Variants in MEDAG observed in about 807,000 individuals in gnomAD.
MEDAG encodes mesenteric estrogen dependent adipogenesis, also known as mesenteric estrogen-dependent adipogenesis protein.
MEDAG carries 25 observed loss-of-function variants against 29.9 expected under a neutral mutation model. That is an observed-to-expected ratio of 0.84 (90% CI 0.61 to 1.17). MEDAG has a LOEUF of 1.17. Among genes scored for constraint, MEDAG ranks in the 50% most tolerant of loss-of-function variants. The pLI is 0.00. For missense variants in MEDAG, 398 were observed against 372.9 expected, an observed-to-expected ratio of 1.07 and a Z score of -0.56; for synonymous variants, 158 against 148.2, an observed-to-expected ratio of 1.07 and a Z score of -0.48.
At position 30,921,137 on chromosome 13, in the gene MEDAG, C is replaced by A; in HGVS notation, c.501+11C>A. Reference sequence around the variant, plus strand: ...AGTTACCGGCTTCAGGTAAGCCTAGCCTGTCTGAATCCAGGGCTGTCAACC... The same window carrying A: ...AGTTACCGGCTTCAGGTAAGCCTAGACTGTCTGAATCCAGGGCTGTCAACC... On this transcript the variant is annotated intron_variant, in intron 3 of 4. Transcript: ENST00000380482. 1 of 1,605,078 alleles carries A rather than the reference C, an allele frequency of 6.2e-7. No individual in the cohort carries two copies. Among genetic ancestry groups the A allele is most frequent in the Non-Finnish European group, 8.5e-7 (1 of 1,173,148 alleles).
At chr13:30,922,460 TGG>T (rs1173048272) in intron 4 of MEDAG, 1 of 152,152 alleles carries the variant, frequency 6.6e-6, no homozygotes, top group East Asian at 1.9e-4. Context: ...TTCACCAGGT[TGG>T]CCAGGCTGGT....
At chr13:30,914,548 A>G (rs944638625) in intron 1 of MEDAG, among the ~76,000 whole-genome samples, 1 of 152,234 alleles carries the variant, frequency 6.6e-6, no homozygotes, top group African/African-American at 2.4e-5. Context: ...AAGGTGTTTT[A>G]TGAAATTCAG....
At position 30,921,064 on chromosome 13, in the gene MEDAG, C is replaced by T; in HGVS notation, c.439C>T (p.Gln147Ter). Residue 147 changes from glutamine (Q) to a stop codon, truncating the protein, a stop_gained, in exon 3 of 5, where the codon CAG (glutamine) becomes TAG (stop). Coordinates refer to ENST00000380482, the MANE Select transcript of MEDAG (RefSeq NM_032849.4). LOFTEE classifies it high-confidence loss of function. ...CACGAGGCACCCCAAGATAAGAAGA[C>T]AGATAGAGCAAGGGATGGACATGGT... ...VNTRHPKIRR[Q>*]IEQGMDMVIS... 6.2e-7 allele frequency: 1 copy of T among 1,614,168 alleles called. No homozygotes were observed. The highest frequency in any genetic ancestry group is 8.5e-7 in the Non-Finnish European group (1 of 1,180,036).
Position 30,906,585 on chromosome 13 carries a change from A to T in MEDAG, c.70A>T (p.Ser24Cys). The change falls in exon 1 of 5, where the codon AGC becomes TGC. Residue 24 changes from serine (S) to cysteine (C), a missense_variant. Physicochemically the swap from Ser to Cys is moderately radical, Grantham distance 112. Transcript: ENST00000380482. ...CTCCATCTCGTCTGGGGAGCTTCGC[A>T]GCCTGTGGACCTGCGACTGCGAGCT... Reference protein sequence around the residue: ...LTSISSGELRSLWTCDCELAL... With the variant: ...LTSISSGELRCLWTCDCELAL... 1 of 1,585,004 alleles carries T rather than the reference A, an allele frequency of 6.3e-7. No homozygotes were observed. The highest frequency in any genetic ancestry group is 2.3e-5 in the East Asian group (1 of 43,166).
Position 30,906,749 on chromosome 13 carries a change from GC to G in MEDAG, c.235del (p.Arg79AlafsTer19). On this transcript the variant is annotated frameshift_variant, in exon 1 of 5. Coordinates refer to ENST00000380482, the MANE Select transcript of MEDAG (RefSeq NM_032849.4). LOFTEE classifies it high-confidence loss of function. Reference protein sequence around the residue: ...GFNVFGDGLVRLDGQLYRLSS... With the variant: ...GFNVFGDGLVXLDGQLYRLSS... Reference sequence around the variant, plus strand: ...TCAACGTCTTCGGTGACGGCCTCGTGCGCCTCGACGGGCAGCTCTACCGCCT... The same window carrying G: ...TCAACGTCTTCGGTGACGGCCTCGTGGCCTCGACGGGCAGCTCTACCGCCT... 2.0e-6 allele frequency: 3 copies of G among 1,511,594 alleles called. No individual in the cohort carries two copies. The highest frequency in any genetic ancestry group is 2.6e-6 in the Non-Finnish European group (3 of 1,139,536). The allele number at this position is 1,511,594 out of a possible 1,614,324, so 93.6% of individuals were successfully genotyped here.
chr13:30,925,398 T>G lies in MEDAG; in HGVS notation c.*963T>G, dbSNP rs985492610. On this transcript the variant is annotated 3_prime_UTR_variant, in exon 5 of 5. Coordinates refer to ENST00000380482, the MANE Select transcript of MEDAG (RefSeq NM_032849.4). The stretch of plus-strand genomic sequence containing the variant: ...ATATGCTTATAATGAGGAAGAGTTA[T>G]GGGTCCTGAGTGTAATTTTTTATCC... 3.9e-5 allele frequency: 6 copies of G among 152,226 alleles called. No homozygotes were observed. The highest frequency in any genetic ancestry group is 2.6e-4 in the Admixed American group (4 of 15,286). The allele number at this position is 152,226 out of a possible 1,614,324, so 9.4% of individuals were successfully genotyped here. A position where few individuals can be genotyped will look rare whatever the true frequency, so the allele number is the denominator to read the frequency against.
chr13:30,911,039 G>A (rs1216773844), intron 1 of MEDAG, among the ~76,000 whole-genome samples: 1 of 152,224 alleles, frequency 6.6e-6, no homozygotes, highest in East Asian at 1.9e-4. Context: ...GAGATTTTTA[G>A]GAGAGTCAGT....
At chr13:30,922,834 T>C (rs959786263) in intron 4 of MEDAG, 3 of 152,202 alleles carry the variant, frequency 2.0e-5, no homozygotes, top group Non-Finnish European at 4.4e-5. Context: ...GCAGTCTCTG[T>C]GAAGTTGTGG....
Position 30,924,343 on chromosome 13 carries a change from T to A in MEDAG, c.820T>A (p.Ser274Thr). The A allele has an allele frequency of 3.1e-6, 5 of 1,614,136 alleles. No homozygotes were observed. Among genetic ancestry groups the A allele is most frequent in the Non-Finnish European group, 4.2e-6 (5 of 1,179,972 alleles). ...AGATGATGTTTTTAACTGCAATCTG[T>A]CACCCAGATCATCTCTGACAGAGCC... The part of the protein sequence containing the change: ...SIDDVFNCNL[S>T]PRSSLTEPLL... The change falls in exon 5 of 5, where the codon TCA becomes ACA. Residue 274 changes from serine to threonine, a missense_variant. Ser to Thr is a moderately conservative substitution (Grantham distance 58, BLOSUM62 1). Transcript: ENST00000380482.
chr13:30,921,004 T>A lies in MEDAG; in HGVS notation c.389-10T>A. 1 of 1,609,892 alleles carries A rather than the reference T, an allele frequency of 6.2e-7. No homozygotes were observed. Among genetic ancestry groups the A allele is most frequent in the Non-Finnish European group, 8.5e-7 (1 of 1,177,012 alleles). ...ACACTTGTTTCTGAATTCTGCTTGCTAATTTCTAGAAAGGACGTACGCGTT... is the reference window on the plus strand; with the variant it reads ...ACACTTGTTTCTGAATTCTGCTTGCAAATTTCTAGAAAGGACGTACGCGTT... On this transcript the variant is annotated splice_polypyrimidine_tract_variant and intron_variant, in intron 2 of 4. Coordinates refer to ENST00000380482, the MANE Select transcript of MEDAG (RefSeq NM_032849.4).
chr13:30,919,594 A>C (rs933322436), intron 2 of MEDAG, among the ~76,000 whole-genome samples: 7 of 152,228 alleles, frequency 4.6e-5, no homozygotes, highest in Admixed American at 1.3e-4. Flanking sequence ...AAAGTGCCCA[A>C]AAAATAATTT....
chr13:30,924,464 C>G lies in MEDAG; in HGVS notation c.*29C>G, dbSNP rs750638670. Reference sequence around the variant, plus strand: ...AACTGAACATTGTAGCAGTTGCTCCCGCACTCCAGGCCTGTGCTAGACTAT... The same window carrying G: ...AACTGAACATTGTAGCAGTTGCTCCGGCACTCCAGGCCTGTGCTAGACTAT... On this transcript the variant is annotated 3_prime_UTR_variant, in exon 5 of 5. Coordinates refer to ENST00000380482, the MANE Select transcript of MEDAG (RefSeq NM_032849.4). 6.2e-7 allele frequency: 1 copy of G among 1,610,586 alleles called. No individual in the cohort carries two copies. Among genetic ancestry groups the G allele is most frequent in the African/African-American group, 1.3e-5 (1 of 74,856 alleles).
chr13:30,921,577 C>A lies in MEDAG; in HGVS notation c.518C>A (p.Ala173Glu). The change falls in exon 4 of 5, where the codon GCA becomes GAA. Residue 173 changes from alanine to glutamate, a missense_variant. Ala to Glu is a moderately radical substitution (Grantham distance 107). Coordinates refer to ENST00000380482, the MANE Select transcript of MEDAG (RefSeq NM_032849.4). ...SYRLQFDFQE[A>E]VKNFFPPGNE... ...CTCTTTCAGTTTGATTTTCAAGAGG[C>A]AGTGAAGAATTTCTTCCCCCCAGGA... The A allele has an allele frequency of 6.2e-7, 1 of 1,606,008 alleles. No individual in the cohort carries two copies. Among genetic ancestry groups the A allele is most frequent in the Admixed American group, 1.7e-5 (1 of 58,314 alleles).
intron 1 of MEDAG, among the ~76,000 whole-genome samples, chr13:30,913,487 C>T (rs960026377): frequency 6.6e-6 from 1 of 152,142 alleles, no homozygotes; most frequent in Non-Finnish European, 1.5e-5. Flanking sequence ...CCTGTCTTGA[C>T]CTCCCAAAGT....
chr13:30,921,556 T>C lies in MEDAG; in HGVS notation c.502-5T>C, dbSNP rs895167670. 2 of 1,598,842 alleles carry C rather than the reference T, an allele frequency of 1.3e-6. No individual in the cohort carries two copies. Among genetic ancestry groups the C allele is most frequent in the Admixed American group, 3.5e-5 (2 of 57,182 alleles). ...AAGTCAATGCAATGTTCCTCTCTCTTTCAGTTTGATTTTCAAGAGGCAGTG... is the reference window on the plus strand; with the variant it reads ...AAGTCAATGCAATGTTCCTCTCTCTCTCAGTTTGATTTTCAAGAGGCAGTG... On this transcript the variant is annotated splice_region_variant and splice_polypyrimidine_tract_variant and intron_variant, in intron 3 of 4. Coordinates refer to ENST00000380482, the MANE Select transcript of MEDAG (RefSeq NM_032849.4).
At chr13:30,921,518 A>G in intron 3 of MEDAG, 43 bp from the exon 4 acceptor site, 1 of 1,536,780 alleles carries the variant, frequency 6.5e-7, no homozygotes, top group Non-Finnish European at 8.7e-7. Flanking sequence ...TCAACAGGAT[A>G]CTTATGTCCA....
chr13:30,919,533 C>T (rs1353538701), intron 2 of MEDAG, among the ~76,000 whole-genome samples: 1 of 152,132 alleles, frequency 6.6e-6, no homozygotes, highest in African/African-American at 2.4e-5. Flanking sequence ...AAGGAGTTTG[C>T]TTGCTTTGTT....
At chr13:30,909,543 A>C (rs1396277056) in intron 1 of MEDAG, among the ~76,000 whole-genome samples, 1 of 152,064 alleles carries the variant, frequency 6.6e-6, no homozygotes, top group East Asian at 1.9e-4. Context: ...GGACCATAGA[A>C]CTTTTGAGAA....
chr13:30,910,151 T>C (rs1339645413), intron 1 of MEDAG, among the ~76,000 whole-genome samples: 1 of 151,286 alleles, frequency 6.6e-6, no homozygotes, highest in Admixed American at 6.6e-5. Context: ...ATTCATTCAA[T>C]ACTTAAAAGT....
Sources: allele counts gnomAD v4.1 joint callset (sites outside exome capture counted in the v4.1 genomes callset), GRCh38; gene constraint gnomAD v4.1.1; transcripts MANE v1.5; gene names NCBI Gene and HGNC (gene_info 2026-07-23, HGNC 2026-07-21).